GSK3B: variants seen among roughly 807,000 people sequenced by gnomAD.
GSK3B encodes glycogen synthase kinase-3 beta.
GSK3B carries 15 observed loss-of-function variants against 56.4 expected under a neutral mutation model. That is an observed-to-expected ratio of 0.27 (90% CI 0.18 to 0.41). GSK3B has a LOEUF of 0.41. GSK3B is among the 10% of genes least tolerant of loss of function. GSK3B has a pLI of 1.00. For synonymous variants in GSK3B, 181 were observed against 188.9 expected (o/e 0.96, Z 0.34); for missense variants, 300 against 513.4 (o/e 0.58, Z 4.02).
intron 1 of GSK3B, among the ~76,000 whole-genome samples, chr3:120,068,131 G>T (rs2058295112): frequency 6.6e-6 from 1 of 152,134 alleles, no homozygotes; most frequent in Non-Finnish European, 1.5e-5. Context: ...GGTGGCTCAT[G>T]CCTGTAATCT....
chr3:119,958,006 A>G (rs953806499), intron 2 of GSK3B, among the ~76,000 whole-genome samples: 5 of 152,260 alleles, frequency 3.3e-5, no homozygotes, highest in Middle Eastern at 6.8e-3. Flanking sequence ...TGTAATCCCC[A>G]CGTGCTGAGG....
At chr3:120,072,626 C>A (rs1250063582) in intron 1 of GSK3B, among the ~76,000 whole-genome samples, 2 of 152,098 alleles carry the variant, frequency 1.3e-5, no homozygotes, top group Non-Finnish European at 2.9e-5. Flanking sequence ...AAAATAACTT[C>A]TTAAAAAGAA....
At chr3:120,070,034 G>A (rs555061829) in intron 1 of GSK3B, among the ~76,000 whole-genome samples, 353 of 152,110 alleles carry the variant, frequency 2.3e-3, no homozygotes, top group African/African-American at 8.2e-3. Context: ...CCAAAATGGC[G>A]AAACCCCGTC....
At chr3:120,078,944 C>A (rs2058389876) in intron 1 of GSK3B, among the ~76,000 whole-genome samples, 1 of 145,710 alleles carries the variant, frequency 6.9e-6, no homozygotes, top group Non-Finnish European at 1.5e-5. Context: ...CACACACACA[C>A]ACTTTTTTTT....
At chr3:119,941,578 T>C (rs2057049582) in intron 3 of GSK3B, among the ~76,000 whole-genome samples, 1 of 152,228 alleles carries the variant, frequency 6.6e-6, no homozygotes, top group Admixed American at 6.5e-5. Context: ...CATTCTTTAA[T>C]TGGTTGCTAT....
At chr3:119,977,794 T>C (rs761921711) in intron 2 of GSK3B, among the ~76,000 whole-genome samples, 4 of 152,144 alleles carry the variant, frequency 2.6e-5, no homozygotes, top group Non-Finnish European at 4.4e-5. Context: ...ATTTGACGTA[T>C]AGCAGTGTGT....
chr3:120,061,889 C>T (rs569629381), intron 1 of GSK3B, among the ~76,000 whole-genome samples: 5 of 152,208 alleles, frequency 3.3e-5, no homozygotes, highest in Admixed American at 1.3e-4. Flanking sequence ...TGTGCTACCA[C>T]GCGCAGCTAA....
chr3:119,890,020 T>C (rs914256479), intron 7 of GSK3B, among the ~76,000 whole-genome samples: 1 of 152,264 alleles, frequency 6.6e-6, no homozygotes, highest in African/African-American at 2.4e-5. Flanking sequence ...GATGAGAATG[T>C]GAAGCACTGG....
chr3:119,854,090 C>T (rs1308684900), intron 9 of GSK3B, among the ~76,000 whole-genome samples: 4 of 152,140 alleles, frequency 2.6e-5, no homozygotes, highest in Non-Finnish European at 4.4e-5. Flanking sequence ...TCAGATACGT[C>T]CCATCAATAC....
At chr3:119,836,928 T>C (rs1006524120) in intron 10 of GSK3B, among the ~76,000 whole-genome samples, 3 of 152,232 alleles carry the variant, frequency 2.0e-5, no homozygotes, top group African/African-American at 7.2e-5. Context: ...GTTTGTGAAA[T>C]GTACAGATGA....
At chr3:120,043,961 A>C (rs1233755791) in intron 1 of GSK3B, among the ~76,000 whole-genome samples, 2 of 152,244 alleles carry the variant, frequency 1.3e-5, no homozygotes, top group East Asian at 3.8e-4. Flanking sequence ...TAGGATATCA[A>C]GATACAAATG....
At chr3:120,006,038 C>T (rs529606638) in intron 1 of GSK3B, among the ~76,000 whole-genome samples, 4 of 152,100 alleles carry the variant, frequency 2.6e-5, no homozygotes, top group South Asian at 4.1e-4. Context: ...ACCCATCTCA[C>T]GTGCAAAGAC....
intron 2 of GSK3B, among the ~76,000 whole-genome samples, chr3:119,998,250 G>A (rs565491261): frequency 1.1e-3 from 160 of 152,250 alleles, no homozygotes; most frequent in Middle Eastern, 3.4e-3. Flanking sequence ...AAAAACAACT[G>A]TGGTTTCTGT....
intron 8 of GSK3B, among the ~76,000 whole-genome samples, chr3:119,870,658 T>C (rs966099915): frequency 1.3e-5 from 2 of 152,164 alleles, no homozygotes; most frequent in Non-Finnish European, 1.5e-5. Flanking sequence ...AAAGTGGCTT[T>C]AGAAAGGGAG....
intron 1 of GSK3B, among the ~76,000 whole-genome samples, chr3:120,090,695 C>T (rs1467610201): frequency 6.6e-6 from 1 of 152,110 alleles, no homozygotes; most frequent in African/African-American, 2.4e-5. Flanking sequence ...CTACTAGCTC[C>T]CTAAAAAGGC....
intron 1 of GSK3B, among the ~76,000 whole-genome samples, chr3:120,073,566 A>G (rs902354693): frequency 1.1e-4 from 16 of 152,216 alleles, no homozygotes; most frequent in Non-Finnish European, 2.2e-4. Context: ...GTACTTATAT[A>G]TGACTGACAA....
rs983842832 is a variant in GSK3B, at chr3:120,058,782, G to A, written c.88+34565C>T. 8.5e-5 allele frequency among the ~76,000 whole-genome samples: 13 copies of A among 152,176 alleles called. No homozygotes were observed. The East Asian group carries it at 2.5e-3, about 29-fold the overall frequency. On this transcript the variant is annotated intron_variant, in intron 1 of 10. Transcript: ENST00000264235. ...CCCAGCACTTTGGGAGGCCAAGGTG[G>A]GCAGATTACCTGAGCTCAGGAGTTC...
At chr3:119,909,106 C>A (rs576332346) in intron 6 of GSK3B, among the ~76,000 whole-genome samples, 1 of 152,272 alleles carries the variant, frequency 6.6e-6, no homozygotes, top group South Asian at 2.1e-4. Context: ...GCAACCTCTG[C>A]CTCCTGGCCT....
chr3:120,050,396 G>A (rs998966239), intron 1 of GSK3B, among the ~76,000 whole-genome samples: 1 of 152,196 alleles, frequency 6.6e-6, no homozygotes, highest in African/African-American at 2.4e-5. Flanking sequence ...AAAGACAGAC[G>A]GCTAGCCGTA....
Sources: gnomAD v4.1 joint callset for allele counts (sites outside exome capture counted in the v4.1 genomes callset) on GRCh38, gnomAD v4.1.1 for gene constraint, MANE v1.5 for transcripts, NCBI Gene and HGNC (gene_info 2026-07-23, HGNC 2026-07-21) for gene names.